Variants in HAUS7 observed in about 807,000 individuals in gnomAD.
HAUS7 encodes HAUS augmin-like complex subunit 7.
A neutral mutation model predicts 28.4 loss-of-function variants in HAUS7; 3 were observed. That is an observed-to-expected ratio of 0.11 (90% CI 0.05 to 0.27). The LOEUF (loss-of-function observed/expected upper bound fraction) is 0.27, where lower values mean the gene tolerates loss of function less well. HAUS7 is among the 10% of genes least tolerant of loss of function. HAUS7 has a pLI of 1.00. For synonymous variants in HAUS7, 165 were observed against 132.1 expected, an observed-to-expected ratio of 1.25 and a Z score of -1.71; for missense variants, 284 against 297.3, an observed-to-expected ratio of 0.96 and a Z score of 0.33.
intron 1 of HAUS7, among the ~76,000 whole-genome samples, chrX:153,492,085 A>T: frequency 1.8e-5 from 2 of 112,179 alleles, no homozygotes; most frequent in Middle Eastern, 9.2e-3. Context: ...CCTCCCCAGG[A>T]TCCCTGAGGG....
At chrX:153,454,583 C>T (rs781825980) in intron 8 of HAUS7, 75 bp from the exon 9 acceptor site, 14 of 595,731 alleles carry the variant, frequency 2.4e-5, no homozygotes, top group South Asian at 2.1e-4. Context: ...TCTCACGTAG[C>T]GACGGCATCT....
upstream of HAUS7, among the ~76,000 whole-genome samples, chrX:153,473,308 G>T (rs1013958036): frequency 9.5e-4 from 107 of 112,815 alleles, no homozygotes; most frequent in Non-Finnish European, 1.4e-3. Flanking sequence ...TGCAGAGGCG[G>T]GTCTGCTTCT....
At chrX:153,490,457 C>G (rs2089664850) in intron 1 of HAUS7, among the ~76,000 whole-genome samples, 1 of 112,967 alleles carries the variant, frequency 8.9e-6, no homozygotes, top group Non-Finnish European at 1.9e-5. Context: ...TCACTCAGCA[C>G]CAGCTCAGCT....
intron 4 of HAUS7, chrX:153,462,148 C>T: frequency 2.0e-6 from 2 of 1,017,163 alleles, no homozygotes; most frequent in South Asian, 2.6e-5. Context: ...TCATAATCAT[C>T]GAGTGAAAAC....
intron 1 of HAUS7, chrX:153,485,812 C>A (rs2089632702): frequency 4.4e-6 from 4 of 903,439 alleles, no homozygotes; most frequent in Non-Finnish European, 5.6e-6. Context: ...GGCTGGTGCA[C>A]GTGCCCCGCT....
chrX:153,464,238 C>T (rs2089429373), intron 3 of HAUS7, among the ~76,000 whole-genome samples: 1 of 112,544 alleles, frequency 8.9e-6, no homozygotes, highest in Non-Finnish European at 1.9e-5. Context: ...GGTCGGGTCA[C>T]ACATGTGTTG....
chrX:153,492,341 G>A (rs983674049), intron 1 of HAUS7, among the ~76,000 whole-genome samples: 23 of 112,035 alleles, frequency 2.1e-4, no homozygotes, highest in Non-Finnish European at 4.0e-4. Flanking sequence ...AGAAGGGGGA[G>A]GCCCTAGGAC....
At chrX:153,478,017 C>T (rs1317112940) in intron 1 of HAUS7, among the ~76,000 whole-genome samples, 1 of 112,713 alleles carries the variant, frequency 8.9e-6, no homozygotes, top group Non-Finnish European at 1.9e-5. Flanking sequence ...CTTGCCGGCC[C>T]CTGCCCCTCC....
At chrX:153,471,923 C>G (rs888867816), upstream of HAUS7, among the ~76,000 whole-genome samples, 4 of 112,631 alleles carry the variant, frequency 3.6e-5, no homozygotes, top group Non-Finnish European at 7.5e-5. Flanking sequence ...TGAGGGCTGT[C>G]AAAGGCTTTG....
At chrX:153,454,862 G>A (rs782030542) in intron 8 of HAUS7, 4 of 991,812 alleles carry the variant, frequency 4.0e-6, no homozygotes, top group African/African-American at 2.0e-5. Context: ...GGACAGGAGA[G>A]GGCTGTGGCC....
At chrX:153,452,780 C>T (rs1235732027) in intron 9 of HAUS7, among the ~76,000 whole-genome samples, 2 of 111,583 alleles carry the variant, frequency 1.8e-5, no homozygotes, top group Non-Finnish European at 3.8e-5. Context: ...GTCAGCAGTT[C>T]GAGACCAGCC....
intron 1 of HAUS7, among the ~76,000 whole-genome samples, chrX:153,488,728 G>A (rs943005743): frequency 8.9e-6 from 1 of 112,810 alleles, no homozygotes; most frequent in Admixed American, 9.3e-5. Flanking sequence ...AGGTCACCCT[G>A]CAGCCCCCAC....
chrX:153,494,733 C>CG (rs1556990287), intron 1 of HAUS7, among the ~76,000 whole-genome samples: 4 of 2,111 alleles, frequency 1.9e-3, no homozygotes, highest in African/African-American at 3.1e-3. Flanking sequence ...CTGCCCCAGG[C>CG]GGGGGAGGGG....
chrX:153,470,658 C>CA (rs2089512361), upstream of HAUS7: 2 of 1,091,030 alleles, frequency 1.8e-6, no homozygotes, highest in Admixed American at 5.4e-5. Flanking sequence ...CGCCTGCGCC[C>CA]ACCCCCTTCC....
At chrX:153,488,443 C>G (rs1460416445) in intron 1 of HAUS7, among the ~76,000 whole-genome samples, 2 of 112,976 alleles carry the variant, frequency 1.8e-5, no homozygotes, top group Non-Finnish European at 3.8e-5. Context: ...TGCTCCCATT[C>G]CATGGCCGAT....
intron 7 of HAUS7, 100 bp downstream of exon 7, chrX:153,456,165 C>G (rs2089305344): frequency 1.6e-6 from 1 of 623,880 alleles, no homozygotes; most frequent in African/African-American, 2.2e-5. Flanking sequence ...ATGTCAGGCC[C>G]GGTGCACAGG....
chrX:153,473,483 G>A (rs2089542533), upstream of HAUS7, among the ~76,000 whole-genome samples: 1 of 113,306 alleles, frequency 8.8e-6, no homozygotes, highest in Admixed American at 9.2e-5. Context: ...AGGGACTGAA[G>A]TGTCCTCCAT....
intron 2 of HAUS7, among the ~76,000 whole-genome samples, chrX:153,468,387 C>T (rs1556984578): frequency 1.8e-5 from 2 of 112,735 alleles, no homozygotes; most frequent in East Asian, 2.8e-4. Flanking sequence ...GGCCTGGGCA[C>T]ACACCCAATC....
intron 9 of HAUS7, among the ~76,000 whole-genome samples, chrX:153,449,218 A>G (rs1265553118): frequency 8.9e-6 from 1 of 111,985 alleles, no homozygotes; most frequent in African/African-American, 3.2e-5. Flanking sequence ...TTACATGTTG[A>G]AGTCATTAGC....
Sources: allele counts gnomAD v4.1 joint callset (sites outside exome capture counted in the v4.1 genomes callset), GRCh38; gene constraint gnomAD v4.1.1; transcripts MANE v1.5; gene names NCBI Gene and HGNC (gene_info 2026-07-23, HGNC 2026-07-21).